The following ATP8B3 variants were observed in gnomAD, a reference collection of about 807,000 sequenced individuals.
ATP8B3 encodes the protein ATPase phospholipid transporting 8B3.
ATP8B3 carries 141 observed loss-of-function variants against 140.9 expected under a neutral mutation model. The ratio of observed to expected loss-of-function variants is 1.00; its 90% CI spans 0.87 to 1.15. The LOEUF is 1.15. Among genes scored for constraint, ATP8B3 ranks in the 50% most tolerant of loss-of-function variants. ATP8B3 has a pLI of 0.00. For missense variants in ATP8B3, 1,874 were observed against 1,740.6 expected, an observed-to-expected ratio of 1.08 and a Z score of -1.36; for synonymous variants, 765 against 714.6, an observed-to-expected ratio of 1.07 and a Z score of -1.13.
intron 28 of ATP8B3, among the ~76,000 whole-genome samples, chr19:1,783,718 G>A (rs1192242457): frequency 6.6e-6 from 1 of 152,206 alleles, no homozygotes; most frequent in Non-Finnish European, 1.5e-5. Context: ...AAGGTGGCAG[G>A]AGCTGGGCAG....
At chr19:1,783,502 T>G (rs1189458601) in intron 28 of ATP8B3, among the ~76,000 whole-genome samples, 1 of 152,230 alleles carries the variant, frequency 6.6e-6, no homozygotes, top group Non-Finnish European at 1.5e-5. Flanking sequence ...CCCTGGAAAC[T>G]AACCCTGGAT....
rs1008241215 is a variant in ATP8B3, at chr19:1,785,028, G to A, written c.3533-82C>T. Reference sequence around the variant, plus strand: ...GGCTAGGGAGCGCCTTGGTGCCTTTGTGCCTGGTCCATAAAGGAGCGCCTT... The same window carrying A: ...GGCTAGGGAGCGCCTTGGTGCCTTTATGCCTGGTCCATAAAGGAGCGCCTT... On this transcript the variant is annotated intron_variant, in intron 27 of 28. Coordinates refer to ENST00000310127, the MANE Select transcript of ATP8B3 (RefSeq NM_138813.4). The A allele has an allele frequency of 3.9e-6, 6 of 1,522,576 alleles. 1 individual carries two copies. The highest frequency in any genetic ancestry group is 5.3e-6 in the Non-Finnish European group (6 of 1,137,416). 94.3% of individuals were successfully genotyped at this position (1,522,576 alleles called of 1,614,324 possible).
intron 4 of ATP8B3, among the ~76,000 whole-genome samples, chr19:1,809,099 G>A (rs1050240297): frequency 1.3e-5 from 2 of 151,352 alleles, no homozygotes; most frequent in African/African-American, 2.4e-5. Flanking sequence ...ACTAGAACCC[G>A]GGAGGCAGAG....
In ATP8B3 at chr19:1,808,294, G is replaced by A; in HGVS notation, c.444C>T (p.Phe148=). ...IRTAKYNFYS[F]LPLNLYEQFH... is the part of the protein sequence containing the mutation. ...ACTGCTCGTACAGGTTCAGCGGCAG[G>A]AACGAGTAGAAGTTGTACTTGGCCG... Residue 148 remains phenylalanine, a synonymous_variant, in exon 5 of 29, where the codon TTC becomes TTT. Transcript: ENST00000310127. 1 of 1,613,094 alleles carries A rather than the reference G, an allele frequency of 6.2e-7. No individual in the cohort carries two copies. The highest frequency in any genetic ancestry group is 8.5e-7 in the Non-Finnish European group (1 of 1,179,660).
chr19:1,809,767 C>T (rs765093655), intron 3 of ATP8B3, 33 bp from the exon 4 acceptor site: 21 of 1,567,934 alleles, frequency 1.3e-5, no homozygotes, highest in Admixed American at 1.9e-5. Context: ...CGCTGGAGCT[C>T]GAGGCCCAGG....
Position 1,782,771 on chromosome 19 carries a change from G to C in ATP8B3, c.*257C>G. On this transcript the variant is annotated 3_prime_UTR_variant, in exon 29 of 29. Transcript: ENST00000310127. ...CTCCTTGGTCAACAGCAACTTCTCA[G>C]GAGAAGGTGGCCTCTGCTTGGGTGA... The C allele has an allele frequency of 2.0e-6, 1 of 509,296 alleles. No individual in the cohort carries two copies. 31.5% of individuals were successfully genotyped at this position (509,296 alleles called of 1,614,324 possible).
Position 1,810,625 on chromosome 19 carries a change from A to C in ATP8B3, c.307T>G (p.Ser103Ala). 2.5e-6 allele frequency: 4 copies of C among 1,612,652 alleles called. No individual in the cohort carries two copies. The highest frequency in any genetic ancestry group is 3.4e-6 in the Non-Finnish European group (4 of 1,179,376). ...CCCCTCTGCCCAGGATCAGCACCTG[A>C]GTTCCTGTCCTCATCTTGGAGATCT... ...REDLQDEDRN[S>A]AFTWKVQANN... The change falls in exon 3 of 29, where the codon TCA (serine) becomes GCA (alanine). Residue 103 changes from serine (S) to alanine (A), a missense_variant. This residue lies in a region of ATP8B3 where 1,032 missense variants were observed against 963.6 expected (regional missense o/e 1.07). Transcript: ENST00000310127.
chr19:1,784,740 G>C, intron 28 of ATP8B3, 79 bp downstream of exon 28: 1 of 1,472,096 alleles, frequency 6.8e-7, no homozygotes, highest in East Asian at 2.5e-5. Flanking sequence ...ACACCTTGCA[G>C]TCCCTACGCC....
chr19:1,795,753 C>G (rs2068644053), intron 18 of ATP8B3, 122 bp downstream of exon 18: 2 of 990,052 alleles, frequency 2.0e-6, no homozygotes. Flanking sequence ...TCCGTACAGT[C>G]TCCTCCCCTG....
Position 1,789,698 on chromosome 19 carries a change from C to A in ATP8B3, c.2508G>T (p.Glu836Asp). The change falls in exon 23 of 29, where the codon GAG (glutamate) becomes GAT (aspartate). Residue 836 changes from glutamate (E) to aspartate (D), a missense_variant. This residue lies in a region of ATP8B3 where 840 missense variants were observed against 760.9 expected (regional missense o/e 1.10). Transcript: ENST00000310127. ...TCACGTTCTGCGCCAGGGCGCGCGG[C>A]TCCTTCCGCAGGGACACCAGCAGTT... is the stretch of plus-strand genomic sequence containing the variant. ...LDKLLVSLRK[E>D]PRALAQNVNM... 6.3e-7 allele frequency: 1 copy of A among 1,585,578 alleles called. No homozygotes were observed. The highest frequency in any genetic ancestry group is 8.6e-7 in the Non-Finnish European group (1 of 1,168,860).
chr19:1,792,620 C>G (rs5024843), intron 18 of ATP8B3, among the ~76,000 whole-genome samples: 2 of 145,398 alleles, frequency 1.4e-5, no homozygotes, highest in Admixed American at 7.0e-5. Context: ...AGAAAGAAAG[C>G]GGGGAAGAGG....
At chr19:1,787,382 C>T (rs771838948) in intron 24 of ATP8B3, among the ~76,000 whole-genome samples, 196 bp from the exon 25 acceptor site, 5 of 152,074 alleles carry the variant, frequency 3.3e-5, no homozygotes, top group African/African-American at 7.2e-5. Context: ...AAAGCATGAT[C>T]AAATTCCCTC....
rs369820726 is a variant in ATP8B3 at position 1,805,856 on chromosome 19, C to A, written c.821+32G>T. On this transcript the variant is annotated intron_variant, in intron 9 of 28. Transcript: ENST00000310127. The surrounding 1 kb of genome is among the most constrained non-coding windows in gnomAD (Gnocchi z 5.2). ...TCCTCCGGGCCATGCTCCCCACCCC[C>A]CAGGGTCCCCAGCGATGCCACAGCT... The A allele has an allele frequency of 1.2e-6, 2 of 1,611,842 alleles. No homozygotes were observed. The highest frequency in any genetic ancestry group is 1.1e-5 in the South Asian group (1 of 91,054).
chr19:1,790,974 G>T, intron 20 of ATP8B3, 142 bp from the exon 21 acceptor site: 1 of 719,218 alleles, frequency 1.4e-6, no homozygotes, highest in East Asian at 2.7e-5. Context: ...TTGGTTCAGA[G>T]AAGGGCTTGT....
At position 1,805,280 on chromosome 19, in the gene ATP8B3, C is replaced by T. The variant is rs758462295; in HGVS notation, c.904+94G>A. The stretch of plus-strand genomic sequence containing the variant: ...GTGAGCCACTGGGCCTGGCCAGCAC[C>T]TTGTTTTAAAAACAGTAATAACAAC... On this transcript the variant is annotated intron_variant, in intron 10 of 28. Coordinates refer to ENST00000310127, the MANE Select transcript of ATP8B3 (RefSeq NM_138813.4). This position sits in a 1 kb window ranked among gnomAD's most constrained non-coding sequence, Gnocchi z 5.2. The T allele has an allele frequency of 3.1e-5, 40 of 1,293,042 alleles. No homozygotes were observed. In the Middle Eastern group the frequency reaches 5.5e-4, roughly 18 times the overall value. 80.1% of individuals were successfully genotyped at this position (1,293,042 alleles called of 1,614,324 possible).
Position 1,811,531 on chromosome 19 carries a change from G to A in ATP8B3, c.206C>T (p.Ala69Val). The change falls in exon 2 of 29, where the codon GCC becomes GTC. Residue 69 changes from alanine (A) to valine (V), a missense_variant. This residue lies in a region of ATP8B3 where 1,032 missense variants were observed against 963.6 expected (regional missense o/e 1.07). Transcript: ENST00000310127. ...GRGAPERRHKAQPGRARKYEW... is the reference protein window; with the variant it reads ...GRGAPERRHKVQPGRARKYEW... Reference sequence around the variant, plus strand: ...ATACTTCCTAGCCCGGCCAGGCTGGGCCTTGTGCCTCCTCTCAGGTGCCCC... The same window carrying A: ...ATACTTCCTAGCCCGGCCAGGCTGGACCTTGTGCCTCCTCTCAGGTGCCCC... The A allele has an allele frequency of 6.2e-7, 1 of 1,612,268 alleles. No individual in the cohort carries two copies. The highest frequency in any genetic ancestry group is 8.5e-7 in the Non-Finnish European group (1 of 1,179,770).
At chr19:1,791,198 G>A (rs548865384) in intron 20 of ATP8B3, among the ~76,000 whole-genome samples, 2 of 152,182 alleles carry the variant, frequency 1.3e-5, no homozygotes, top group African/African-American at 4.8e-5. Context: ...CTGGCCGACA[G>A]AGGGCACCCT....
chr19:1,783,795 T>C (rs6510624), intron 28 of ATP8B3, among the ~76,000 whole-genome samples: 118,979 of 152,182 alleles, frequency 0.78, 46,803 homozygotes, highest in African/African-American at 0.86. Flanking sequence ...CAGCTGCAAC[T>C]TGCTTTTCCA....
chr19:1,810,661 C>A lies in ATP8B3; in HGVS notation c.271G>T (p.Gly91Cys), dbSNP rs528437239. 1 of 1,612,798 alleles carries A rather than the reference C, an allele frequency of 6.2e-7. No homozygotes were observed. The highest frequency in any genetic ancestry group is 1.3e-5 in the African/African-American group (1 of 74,862). The change falls in exon 3 of 29, where the codon GGC (glycine) becomes TGC (cysteine). Residue 91 changes from glycine (G) to cysteine (C), a missense_variant. Transcript: ENST00000310127. ...PEGPTSMGSL[G>C]QREDLQDEDR... ...TCATCTTGGAGATCTTCTCTCTGGC[C>A]GAGGCTGCCCATGCTGGTGGGGCTG...
Sources: gnomAD v4.1 joint callset for allele counts (sites outside exome capture counted in the v4.1 genomes callset) on GRCh38, gnomAD v4.1.1 for gene constraint, gnomAD v4.1.1 regional missense constraint, Gnocchi (gnomAD v3.1) non-coding constraint, MANE v1.5 for transcripts, NCBI Gene and HGNC (gene_info 2026-07-23, HGNC 2026-07-21) for gene names.